Variants in DOCK2 observed in about 807,000 individuals in gnomAD.
DOCK2 encodes dedicator of cytokinesis 2.
DOCK2 carries 87 observed loss-of-function variants against 248.9 expected under a neutral mutation model. The ratio of observed to expected loss-of-function variants is 0.35; its 90% CI spans 0.29 to 0.42. The LOEUF (loss-of-function observed/expected upper bound fraction) is 0.42. DOCK2 is among the 10% of genes least tolerant of loss of function. DOCK2 has a pLI of 1.00. For synonymous variants in DOCK2, 805 were observed against 821.6 expected (o/e 0.98, Z 0.35); for missense variants, 1,747 against 2,300.2 (o/e 0.76, Z 4.92).
intron 29 of DOCK2, among the ~76,000 whole-genome samples, chr5:169,995,879 G>T (rs1323803550): frequency 3.3e-5 from 5 of 152,164 alleles, no homozygotes; most frequent in Admixed American, 2.6e-4. Context: ...AAAAGAAGTC[G>T]AACAGTTATT....
At chr5:169,800,963 T>C (rs897090829) in intron 25 of DOCK2, among the ~76,000 whole-genome samples, 1 of 115,804 alleles carries the variant, frequency 8.6e-6, no homozygotes, top group African/African-American at 3.5e-5. Flanking sequence ...TTTTTTTTTT[T>C]TTTTTTTTTT....
At chr5:169,696,887 T>C (rs1760664857) in intron 10 of DOCK2, among the ~76,000 whole-genome samples, 3 of 151,900 alleles carry the variant, frequency 2.0e-5, no homozygotes, top group Non-Finnish European at 4.4e-5. Flanking sequence ...TGGGCAAGCA[T>C]TTTCCCCAGA....
At chr5:169,726,157 C>A (rs1762463392) in intron 22 of DOCK2, among the ~76,000 whole-genome samples, 1 of 152,160 alleles carries the variant, frequency 6.6e-6, no homozygotes, top group Admixed American at 6.5e-5. Context: ...TCCACATCCT[C>A]TCCAGCATCT....
intron 38 of DOCK2, among the ~76,000 whole-genome samples, chr5:170,042,473 C>T (rs537254569): frequency 6.6e-6 from 1 of 152,332 alleles, no homozygotes; most frequent in South Asian, 2.1e-4. Flanking sequence ...TCCCAATCTA[C>T]TTAAAACAAA....
intron 27 of DOCK2, among the ~76,000 whole-genome samples, chr5:169,844,736 C>CTTTT (rs5873195): frequency 6.8e-6 from 1 of 146,246 alleles, no homozygotes. Flanking sequence ...TGCTCTGCCT[C>CTTTT]TTTTTTTTTT....
chr5:169,784,457 A>G (rs1005070649), intron 25 of DOCK2, among the ~76,000 whole-genome samples: 5 of 152,230 alleles, frequency 3.3e-5, no homozygotes, highest in Admixed American at 6.5e-5. Flanking sequence ...ATTAAAAGTT[A>G]GGAATCCAGA....
chr5:170,055,431 C>T lies in DOCK2; in HGVS notation c.4295+45C>T, dbSNP rs370188566. 3.7e-5 allele frequency: 59 copies of T among 1,578,342 alleles called. 1 individual carries two copies. In the African/African-American group the frequency reaches 6.9e-4, roughly 18 times the overall value. On this transcript the variant is annotated intron_variant, in intron 42 of 51. Transcript: ENST00000520908. ...GGGAAGAAGGATGGGGAAGAGAACC[C>T]ATTGGGGCCACCAAACTGAGCTGGT...
intron 26 of DOCK2, among the ~76,000 whole-genome samples, chr5:169,832,426 G>A (rs1283787278): frequency 6.6e-6 from 1 of 152,232 alleles, no homozygotes; most frequent in Non-Finnish European, 1.5e-5. Context: ...TGGGTGGGGA[G>A]AAGCAGAGAT....
intron 27 of DOCK2, among the ~76,000 whole-genome samples, chr5:169,956,200 A>G (rs1439424579): frequency 6.6e-6 from 1 of 152,238 alleles, no homozygotes; most frequent in Non-Finnish European, 1.5e-5. Flanking sequence ...TCTAAGATTC[A>G]TCCTGGTTGA....
intron 25 of DOCK2, among the ~76,000 whole-genome samples, chr5:169,782,716 C>T (rs1048054193): frequency 6.6e-6 from 1 of 152,050 alleles, no homozygotes; most frequent in East Asian, 1.9e-4. Context: ...TTTGCTTTAC[C>T]CATCCTTGCC....
At chr5:170,007,585 G>A (rs1755088631) in intron 30 of DOCK2, among the ~76,000 whole-genome samples, 1 of 152,180 alleles carries the variant, frequency 6.6e-6, no homozygotes, top group Non-Finnish European at 1.5e-5. Flanking sequence ...TGAATCCATG[G>A]ATTGTAGATC....
chr5:170,011,039 G>A (rs1165766937), intron 32 of DOCK2, among the ~76,000 whole-genome samples: 1 of 152,196 alleles, frequency 6.6e-6, no homozygotes, highest in African/African-American at 2.4e-5. Flanking sequence ...GGAGCTGGAA[G>A]GGCCCTTCAA....
chr5:169,947,981 G>A (rs1468341467), intron 27 of DOCK2, among the ~76,000 whole-genome samples: 1 of 152,098 alleles, frequency 6.6e-6, no homozygotes, highest in Non-Finnish European at 1.5e-5. Flanking sequence ...CCAGAAGCAG[G>A]GTCAGGATTT....
chr5:169,819,095 A>C (rs184660433), intron 26 of DOCK2, among the ~76,000 whole-genome samples: 5 of 152,336 alleles, frequency 3.3e-5, no homozygotes, highest in Non-Finnish European at 7.3e-5. Flanking sequence ...CAGTGAAGGT[A>C]AGTGTAGTTA....
chr5:169,996,149 G>T lies in DOCK2; in HGVS notation c.3057G>T (p.Thr1019=), dbSNP rs150071550. The T allele has an allele frequency of 8.0e-5, 129 of 1,613,870 alleles. 1 individual carries two copies. The African/African-American group carries it at 1.6e-3, about 20-fold the overall frequency. ...ETMNQKFLEH[T]NFEFQLWNNY... ...TGAACCAGAAGTTCCTAGAACACAC[G>T]AACTTTGAGTTCCAGGTGAGTATAA... The change falls in exon 30 of 52, where the codon ACG becomes ACT. Residue 1019 remains threonine, a synonymous_variant. Coordinates refer to ENST00000520908, the MANE Select transcript of DOCK2 (RefSeq NM_004946.3).
In DOCK2 at chr5:169,792,154, G is replaced by A. The variant is rs904996517; in HGVS notation, c.2555-10904G>A. On this transcript the variant is annotated intron_variant, in intron 25 of 51. Transcript: ENST00000520908. ...TCAGGGATGATAGCCCTGGAAGGGT[G>A]TGGGAGGTGCTGACCAATCTGATAG... Among the ~76,000 whole-genome samples the A allele has an allele frequency of 7.9e-5, 12 of 152,266 alleles. No homozygotes were observed. In the East Asian group the frequency reaches 2.3e-3, roughly 29 times the overall value.
intron 42 of DOCK2, 99 bp downstream of exon 42, chr5:170,055,485 T>G: frequency 9.0e-7 from 1 of 1,112,114 alleles, no homozygotes. Context: ...GTCTTTCTAG[T>G]TCCTTCTCTA....
chr5:169,864,463 A>G (rs1329470921), intron 27 of DOCK2: 5 of 1,523,266 alleles, frequency 3.3e-6, no homozygotes, highest in Non-Finnish European at 4.4e-6. Flanking sequence ...CTCTACACTG[A>G]AAAACACAGA....
chr5:169,689,343 C>T lies in DOCK2; in HGVS notation c.843+10C>T, dbSNP rs745890151. On this transcript the variant is annotated intron_variant, in intron 9 of 51. Transcript: ENST00000520908. Reference sequence around the variant, plus strand: ...GAAGGTGGTCTTCACGGTGAGTGTGCACCCTCTTCTCGTTACCGTGCTCCC... The same window carrying T: ...GAAGGTGGTCTTCACGGTGAGTGTGTACCCTCTTCTCGTTACCGTGCTCCC... The T allele has an allele frequency of 5.6e-6, 9 of 1,613,672 alleles. No individual in the cohort carries two copies. In the South Asian group the frequency reaches 9.9e-5, roughly 18 times the overall value.
Sources: allele counts gnomAD v4.1 joint callset (sites outside exome capture counted in the v4.1 genomes callset), GRCh38; gene constraint gnomAD v4.1.1; transcripts MANE v1.5; gene names NCBI Gene and HGNC (gene_info 2026-07-23, HGNC 2026-07-21).